The following SEC23B variants were observed in gnomAD, a reference collection of about 807,000 sequenced individuals.
SEC23B encodes the protein protein transport protein Sec23B.
A neutral mutation model predicts 104.3 loss-of-function variants in SEC23B; 77 were observed. That is an observed-to-expected ratio of 0.74 (90% confidence interval 0.61 to 0.89). The LOEUF is 0.89. Among genes scored for constraint, SEC23B ranks in the 40% least tolerant of loss-of-function variants. The pLI is 0.00. For missense variants in SEC23B, 885 were observed against 949.4 expected (o/e 0.93, Z 0.89); for synonymous variants, 338 against 332.5 (o/e 1.02, Z -0.18).
At chr20:18,551,295 T>A (rs1194165546) in intron 17 of SEC23B, 120 bp downstream of exon 17, 1 of 645,120 alleles carries the variant, frequency 1.6e-6, no homozygotes, top group Non-Finnish European at 2.7e-6. Flanking sequence ...TGTTTTCTTC[T>A]CTTATTTATT....
At position 18,554,407 on chromosome 20, in the gene SEC23B, C is replaced by G. The variant is rs749427723; in HGVS notation, c.2148+17C>G. 1.4e-5 allele frequency: 22 copies of G among 1,613,998 alleles called. No individual in the cohort carries two copies. The Admixed American group carries it at 2.7e-4, about 20-fold the overall frequency. On this transcript the variant is annotated intron_variant, in intron 18 of 19. Transcript: ENST00000650089. ...GGCAGTCAGGTGAGTGAGCTGAGTT[C>G]TAACTCCAGTGGTTTGTTCGTTTTA...
In SEC23B at chr20:18,525,768, T is replaced by C; in HGVS notation, c.690-20T>C. ...GTACTTTATTCAATCTGGGTTGATG[T>C]GTCTGTTAAAATCTTGCAGATTTCT... On this transcript the variant is annotated intron_variant, in intron 6 of 19. Coordinates refer to ENST00000650089, the MANE Select transcript of SEC23B (RefSeq NM_006363.6). The C allele has an allele frequency of 6.2e-7, 1 of 1,614,120 alleles. No homozygotes were observed. The highest frequency in any genetic ancestry group is 8.5e-7 in the Non-Finnish European group (1 of 1,179,948).
At chr20:18,512,310 A>C (rs112208295) in intron 3 of SEC23B, 28 bp downstream of exon 3, 2 of 1,389,286 alleles carry the variant, frequency 1.4e-6, no homozygotes, top group Non-Finnish European at 2.0e-6. Context: ...AAAAAATGTT[A>C]TATGTTTTAT....
At chr20:18,526,007 GA>G (rs1308532554) in intron 7 of SEC23B, 75 bp downstream of exon 7, 1 of 1,511,034 alleles carries the variant, frequency 6.6e-7, no homozygotes, top group African/African-American at 1.4e-5. Context: ...GGCTTTGTTT[GA>G]AAATCACTTG....
At chr20:18,558,630 GT>G (rs1317094383) in intron 19 of SEC23B, among the ~76,000 whole-genome samples, 1 of 151,874 alleles carries the variant, frequency 6.6e-6, no homozygotes, top group Admixed American at 6.6e-5. Flanking sequence ...CTATTGTTTT[GT>G]CTTCCAATGT....
At chr20:18,525,118 T>C in intron 6 of SEC23B, 98 bp downstream of exon 6, 1 of 1,108,046 alleles carries the variant, frequency 9.0e-7, no homozygotes, top group Non-Finnish European at 1.3e-6. Flanking sequence ...TATTTTCTTA[T>C]TATTAGAGAA....
chr20:18,548,685 A>G lies in SEC23B; in HGVS notation c.1820A>G (p.His607Arg), dbSNP rs1444358516. ...CCTGATGAGTCGTCATATTACAGAC[A>G]TCATTTTGCCCGGCAGGACCTGACC... is the stretch of plus-strand genomic sequence containing the variant. ...NSPDESSYYR[H>R]HFARQDLTQS... Residue 607 changes from histidine to arginine, a missense_variant, in exon 16 of 20, where the codon CAT becomes CGT. Physicochemically the swap from His to Arg is conservative, Grantham distance 29. Transcript: ENST00000650089. 6.2e-7 allele frequency: 1 copy of G among 1,614,184 alleles called. No homozygotes were observed. Among genetic ancestry groups the G allele is most frequent in the Non-Finnish European group, 8.5e-7 (1 of 1,179,986 alleles).
At chr20:18,525,217 C>T (rs1311682261) in intron 6 of SEC23B, among the ~76,000 whole-genome samples, 197 bp downstream of exon 6, 1 of 152,178 alleles carries the variant, frequency 6.6e-6, no homozygotes, top group Non-Finnish European at 1.5e-5. Context: ...TTTAGACATT[C>T]CACATCTGAT....
chr20:18,537,989 G>T (rs577657368), intron 12 of SEC23B, among the ~76,000 whole-genome samples: 14 of 151,700 alleles, frequency 9.2e-5, no homozygotes, highest in Non-Finnish European at 5.9e-5. Flanking sequence ...ACCCAGGCAC[G>T]ATCTATCACC....
rs147576961 is a variant in SEC23B, at chr20:18,510,938, G to A, written c.103G>A (p.Val35Ile). 6.8e-6 allele frequency: 11 copies of A among 1,614,002 alleles called. No individual in the cohort carries two copies. Among genetic ancestry groups the A allele is most frequent in the African/African-American group, 5.3e-5 (4 of 74,938 alleles). The change falls in exon 2 of 20, where the codon GTT becomes ATT. Residue 35 changes from valine to isoleucine, a missense_variant. By Grantham distance (29) the Val-to-Ile change is conservative. Coordinates refer to ENST00000650089, the MANE Select transcript of SEC23B (RefSeq NM_006363.6). ...CAGCCGGCTGGAGGCTACAAGAATG[G>A]TTGTACCCCTGGCTTGTCTCCTTAC... ...PSSRLEATRM[V>I]VPLACLLTPL...
rs1022913163 is a variant in SEC23B at position 18,553,820 on chromosome 20, G to A, written c.1993-415G>A. Among the ~76,000 whole-genome samples, 26 of 152,320 alleles carry A rather than the reference G, an allele frequency of 1.7e-4. 2 individuals are homozygous for A. The highest frequency in any genetic ancestry group is 1.1e-3 in the Admixed American group (17 of 15,306). ...ACCAGAGGAGTGTAATATGTGTGCCGTTAGGAAAGGAGATGGGGGAGTGGA... is the reference window on the plus strand; with the variant it reads ...ACCAGAGGAGTGTAATATGTGTGCCATTAGGAAAGGAGATGGGGGAGTGGA... On this transcript the variant is annotated intron_variant, in intron 17 of 19. Transcript: ENST00000650089.
At chr20:18,514,326 G>A (rs760522140) in intron 3 of SEC23B, among the ~76,000 whole-genome samples, 28 of 152,314 alleles carry the variant, frequency 1.8e-4, no homozygotes, top group Admixed American at 5.2e-4. Flanking sequence ...GGTGGCTGGT[G>A]TGTCTGTAGT....
At chr20:18,546,898 T>G (rs2060337199) in intron 15 of SEC23B, among the ~76,000 whole-genome samples, 1 of 126,648 alleles carries the variant, frequency 7.9e-6, no homozygotes, top group Admixed American at 9.5e-5. Flanking sequence ...GTGAAGTGGT[T>G]TGCAGTTTTT....
chr20:18,523,898 T>A (rs1333192129), intron 4 of SEC23B, among the ~76,000 whole-genome samples: 3 of 152,086 alleles, frequency 2.0e-5, no homozygotes, highest in African/African-American at 7.2e-5. Context: ...TTTTTTTTTG[T>A]TAGAGACGGG....
At chr20:18,519,574 G>A (rs942587086) in intron 4 of SEC23B, among the ~76,000 whole-genome samples, 6 of 152,188 alleles carry the variant, frequency 3.9e-5, no homozygotes, top group African/African-American at 1.4e-4. Context: ...AATTCCGACT[G>A]TACAGCTCTG....
Position 18,554,967 on chromosome 20 carries a change from CAA to C in SEC23B, c.2149-140_2149-139del. ...AGAAATAGATTACTGTGCAGTAAAA[CAA>C]TTCTAATTAGATTACTGTGCAGTAA... is the stretch of plus-strand genomic sequence containing the variant. On this transcript the variant is annotated intron_variant, in intron 18 of 19. Transcript: ENST00000650089. 5 of 69,434 alleles carry C rather than the reference CAA, an allele frequency of 7.2e-5. 2 individuals carry two copies. Among genetic ancestry groups the C allele is most frequent in the Admixed American group, 1.1e-4 (1 of 9,396 alleles). The allele number at this position is 69,434 out of a possible 1,614,324, so 4.3% of individuals were successfully genotyped here.
At chr20:18,537,572 T>A (rs564504729) in intron 12 of SEC23B, among the ~76,000 whole-genome samples, 92 of 151,658 alleles carry the variant, frequency 6.1e-4, no homozygotes, top group African/African-American at 1.9e-3. Flanking sequence ...AACATCACAC[T>A]CTGGGGACTG....
intron 19 of SEC23B, among the ~76,000 whole-genome samples, chr20:18,557,362 A>G (rs1044340591): frequency 6.6e-6 from 1 of 151,680 alleles, no homozygotes; most frequent in East Asian, 1.9e-4. Context: ...CTGGTCCTAA[A>G]CTCCTGAGGT....
At chr20:18,559,337 T>C (rs553297823) in intron 19 of SEC23B, among the ~76,000 whole-genome samples, 1 of 152,284 alleles carries the variant, frequency 6.6e-6, no homozygotes, top group East Asian at 1.9e-4. Flanking sequence ...GAGGGACATA[T>C]ATTTTGCCAG....
Sources: gnomAD v4.1 joint callset for allele counts (sites outside exome capture counted in the v4.1 genomes callset) on GRCh38, gnomAD v4.1.1 for gene constraint, MANE v1.5 for transcripts, NCBI Gene and HGNC (gene_info 2026-07-23, HGNC 2026-07-21) for gene names.